FOXO1: variants seen among roughly 807,000 people sequenced by gnomAD.
FOXO1 encodes forkhead box protein O1.
In FOXO1, 6 loss-of-function variants were observed where a neutral mutation model predicts 44.1. That is an observed-to-expected ratio of 0.14 (90% CI 0.07 to 0.27). FOXO1 has a LOEUF of 0.27. Ranked by LOEUF, FOXO1 falls within the 10% of genes least tolerant of loss-of-function variation. The pLI is 1.00. For missense variants in FOXO1, 737 were observed against 888.8 expected (o/e 0.83, Z 2.17); for synonymous variants, 380 against 362.7 (o/e 1.05, Z -0.54).
intron 1 of FOXO1, chr13:40,618,864 C>T (rs1876512297): frequency 3.8e-6 from 2 of 526,968 alleles, no homozygotes; most frequent in Admixed American, 1.9e-5. Flanking sequence ...CCTGAGAACT[C>T]GATGAAGATT....
At chr13:40,574,830 G>C (rs1225129484) in intron 1 of FOXO1, among the ~76,000 whole-genome samples, 1 of 151,956 alleles carries the variant, frequency 6.6e-6, no homozygotes, top group African/African-American at 2.4e-5. Flanking sequence ...CCCCCAAAAA[G>C]AAAAGTTTCA....
chr13:40,568,346 T>C (rs73463272), intron 1 of FOXO1, among the ~76,000 whole-genome samples: 33 of 152,374 alleles, frequency 2.2e-4, no homozygotes, highest in African/African-American at 7.7e-4. Context: ...GCGATTGTTA[T>C]GCAGGCTCCC....
At chr13:40,643,075 C>T (rs1281475221) in intron 1 of FOXO1, among the ~76,000 whole-genome samples, 1 of 152,104 alleles carries the variant, frequency 6.6e-6, no homozygotes, top group Admixed American at 6.6e-5. Flanking sequence ...GGCGTGGTGG[C>T]TCATGCCTAT....
At chr13:40,646,343 G>A (rs1256129929) in intron 1 of FOXO1, among the ~76,000 whole-genome samples, 1 of 146,836 alleles carries the variant, frequency 6.8e-6, no homozygotes, top group African/African-American at 2.5e-5. Flanking sequence ...CCAGGCTGGA[G>A]TGCTAATTTT....
intron 1 of FOXO1, among the ~76,000 whole-genome samples, chr13:40,626,720 CAA>C (rs990654212): frequency 6.6e-6 from 1 of 152,182 alleles, no homozygotes; most frequent in Non-Finnish European, 1.5e-5. Context: ...GTTTCACTTG[CAA>C]AGACACTGGC....
chr13:40,609,688 C>T (rs947078520), intron 1 of FOXO1, among the ~76,000 whole-genome samples: 1 of 152,072 alleles, frequency 6.6e-6, no homozygotes, highest in African/African-American at 2.4e-5. Context: ...CAAACTCACG[C>T]CTAAAGAAAT....
chr13:40,642,856 C>T (rs1489538989), intron 1 of FOXO1, among the ~76,000 whole-genome samples: 3 of 151,966 alleles, frequency 2.0e-5, no homozygotes, highest in African/African-American at 7.3e-5. Flanking sequence ...AAGGTGAAGC[C>T]GAGACTGTGC....
At chr13:40,614,382 C>T (rs886828304) in intron 1 of FOXO1, among the ~76,000 whole-genome samples, 4 of 152,214 alleles carry the variant, frequency 2.6e-5, no homozygotes, top group Non-Finnish European at 5.9e-5. Context: ...GATTCTGCAA[C>T]ACAATGGCAC....
intron 1 of FOXO1, among the ~76,000 whole-genome samples, chr13:40,654,826 T>C (rs1474799328): frequency 1.3e-5 from 2 of 152,122 alleles, no homozygotes; most frequent in Non-Finnish European, 2.9e-5. Flanking sequence ...AGAACTCCTA[T>C]GACTTAAGGT....
intron 1 of FOXO1, among the ~76,000 whole-genome samples, chr13:40,605,720 G>A (rs1390032410): frequency 2.0e-5 from 3 of 152,074 alleles, no homozygotes; most frequent in Non-Finnish European, 4.4e-5. Context: ...AAACCCCCAA[G>A]GTACTCCCTT....
chr13:40,621,368 C>A, intron 1 of FOXO1: 6 of 404,148 alleles, frequency 1.5e-5, no homozygotes, highest in South Asian at 5.9e-5. Flanking sequence ...GGGATCTACT[C>A]AAATATTGTA....
At chr13:40,654,697 G>T (rs1877802299) in intron 1 of FOXO1, among the ~76,000 whole-genome samples, 1 of 152,098 alleles carries the variant, frequency 6.6e-6, no homozygotes, top group Non-Finnish European at 1.5e-5. Flanking sequence ...AGAATACAGT[G>T]GGGCTTACTG....
intron 1 of FOXO1, among the ~76,000 whole-genome samples, chr13:40,572,775 C>T (rs1260421250): frequency 1.3e-5 from 2 of 152,124 alleles, no homozygotes; most frequent in Non-Finnish European, 2.9e-5. Context: ...GCCCAGCTTC[C>T]CACAGACATC....
intron 1 of FOXO1, among the ~76,000 whole-genome samples, chr13:40,608,159 C>CA (rs1876090432): frequency 6.6e-6 from 1 of 152,208 alleles, no homozygotes; most frequent in Admixed American, 6.5e-5. Flanking sequence ...ACATTTTTAG[C>CA]ATTTGTGGTA....
chr13:40,620,162 CAGT>C (rs1876560704), intron 1 of FOXO1: 2 of 1,497,110 alleles, frequency 1.3e-6, no homozygotes, highest in African/African-American at 1.4e-5. Context: ...TCAAGAATAA[CAGT>C]AGAAGAAGAA....
chr13:40,599,600 T>C (rs1324351479), intron 1 of FOXO1, among the ~76,000 whole-genome samples: 1 of 152,214 alleles, frequency 6.6e-6, no homozygotes, highest in Non-Finnish European at 1.5e-5. Flanking sequence ...TGTGTCTTTG[T>C]GAGCCTGGCT....
intron 1 of FOXO1, among the ~76,000 whole-genome samples, chr13:40,632,352 T>C (rs775193033): frequency 6.6e-6 from 1 of 152,194 alleles, no homozygotes; most frequent in Non-Finnish European, 1.5e-5. Flanking sequence ...CTAGAATATA[T>C]GAAGAATTCT....
intron 1 of FOXO1, among the ~76,000 whole-genome samples, chr13:40,572,734 T>A (rs558098938): frequency 2.0e-4 from 31 of 152,258 alleles, no homozygotes; most frequent in African/African-American, 7.2e-4. Flanking sequence ...ACTCCCACCA[T>A]CACAGAGATT....
At chr13:40,626,893 G>A (rs1307283505) in intron 1 of FOXO1, among the ~76,000 whole-genome samples, 1 of 152,160 alleles carries the variant, frequency 6.6e-6, no homozygotes, top group Non-Finnish European at 1.5e-5. Flanking sequence ...ATTTCAGTCT[G>A]GCCACTGGGT....
Sources: allele counts gnomAD v4.1 joint callset (sites outside exome capture counted in the v4.1 genomes callset), GRCh38; gene constraint gnomAD v4.1.1; transcripts MANE v1.5; gene names NCBI Gene and HGNC (gene_info 2026-07-23, HGNC 2026-07-21).